The following ZNF292 variants were observed in gnomAD, a reference collection of about 807,000 sequenced individuals.
ZNF292 encodes the protein zinc finger protein 292, also known as 16 zinc-finger domain protein.
ZNF292 carries 26 observed loss-of-function variants against 217.9 expected under a neutral mutation model. That is an observed-to-expected ratio of 0.12 (90% CI 0.09 to 0.17). The LOEUF is 0.17. ZNF292 is among the 10% of genes least tolerant of loss of function. The pLI is 1.00. For synonymous variants in ZNF292, 1,257 were observed against 1,124.1 expected (o/e 1.12, Z -2.37); for missense variants, 2,904 against 3,175.2 (o/e 0.91, Z 2.05).
chr6:87,245,554 A>G lies in ZNF292; in HGVS notation c.930A>G (p.Ile310Met). 1.3e-6 allele frequency: 2 copies of G among 1,560,972 alleles called. No individual in the cohort carries two copies. Among genetic ancestry groups the G allele is most frequent in the Non-Finnish European group, 1.7e-6 (2 of 1,152,630 alleles). Residue 310 changes from isoleucine to methionine, a missense_variant, in exon 7 of 8, where the codon ATA becomes ATG. Ile to Met is a conservative substitution (Grantham distance 10). Around this residue, in one of 15 missense-constraint regions of ZNF292, gnomAD observed 313 missense variants for 451.0 expected, o/e 0.69. Transcript: ENST00000369577. ...SKLQQRVEPS[I>M]QVYLERCRQL... ...TACAACAAAGAGTAGAACCATCTAT[A>G]CAAGTGTACCTTGAGAGGTGTCGTC...
chr6:87,264,723 G>A lies in ZNF292; in HGVS notation c.*2922G>A, dbSNP rs532962313. ...AAGGTGAAGCTGAAGAAGCAGATGG[G>A]TGGTGGGATCAGGAGTGTTCTTGTA... On this transcript the variant is annotated 3_prime_UTR_variant, in exon 8 of 8. Coordinates refer to ENST00000369577, the MANE Select transcript of ZNF292 (RefSeq NM_015021.3). Among the ~76,000 whole-genome samples the A allele has an allele frequency of 1.3e-5, 2 of 152,186 alleles. No homozygotes were observed. The highest frequency in any genetic ancestry group is 1.5e-5 in the Non-Finnish European group (1 of 68,038).
At chr6:87,167,351 C>T (rs1358478268) in intron 1 of ZNF292, among the ~76,000 whole-genome samples, 1 of 152,128 alleles carries the variant, frequency 6.6e-6, no homozygotes, top group Non-Finnish European at 1.5e-5. Flanking sequence ...CTTGAATCTT[C>T]TGTTTTAGGC....
In ZNF292 at chr6:87,239,727, G is replaced by T. The variant is rs1334673401; in HGVS notation, c.742-3748G>T. Among the ~76,000 whole-genome samples the T allele has an allele frequency of 2.1e-5, 3 of 143,050 alleles. 1 individual carries two copies. Among genetic ancestry groups the T allele is most frequent in the Non-Finnish European group, 3.0e-5 (2 of 66,022 alleles). The allele number at this position is 143,050 out of a possible 152,430, so 93.8% of individuals were successfully genotyped here. On this transcript the variant is annotated intron_variant, in intron 5 of 7. Transcript: ENST00000369577. ...ACCTCCCAGACGGGGTCGCGGCTGG[G>T]CAGAGGCGCTCCTCACATCCCAGAT... is the stretch of plus-strand genomic sequence containing the variant.
intron 1 of ZNF292, among the ~76,000 whole-genome samples, chr6:87,193,661 A>G (rs1350218256): frequency 6.6e-6 from 1 of 152,216 alleles, no homozygotes; most frequent in Non-Finnish European, 1.5e-5. Context: ...ATTCCCACAC[A>G]AGCACGCCCT....
chr6:87,258,480 C>A lies in ZNF292; in HGVS notation c.4851C>A (p.Ser1617=). The A allele has an allele frequency of 6.2e-7, 1 of 1,613,616 alleles. No homozygotes were observed. Among genetic ancestry groups the A allele is most frequent in the East Asian group, 2.2e-5 (1 of 44,868 alleles). ...SVISGPQNTR[S]SHLNKKGNSA... ...TAAGTGGTCCTCAGAACACAAGATCCAGTCATTTAAATAAAAAGGGAAACA... is the reference window on the plus strand; with the variant it reads ...TAAGTGGTCCTCAGAACACAAGATCAAGTCATTTAAATAAAAAGGGAAACA... Residue 1617 remains serine, a synonymous_variant, in exon 8 of 8, where the codon TCC becomes TCA. Transcript: ENST00000369577.
chr6:87,256,517 G>C lies in ZNF292; in HGVS notation c.2888G>C (p.Gly963Ala). 18 of 1,612,850 alleles carry C rather than the reference G, an allele frequency of 1.1e-5. No homozygotes were observed. The highest frequency in any genetic ancestry group is 1.4e-5 in the Non-Finnish European group (17 of 1,179,836). Reference sequence around the variant, plus strand: ...GAAAACTCAACTGTGGAAGGCAGTGGTGAAGCACTGGTCACAGACTTACAT... The same window carrying C: ...GAAAACTCAACTGTGGAAGGCAGTGCTGAAGCACTGGTCACAGACTTACAT... ...KQENSTVEGS[G>A]EALVTDLHTP... Residue 963 changes from glycine to alanine, a missense_variant, in exon 8 of 8, where the codon GGT becomes GCT. Coordinates refer to ENST00000369577, the MANE Select transcript of ZNF292 (RefSeq NM_015021.3).
At position 87,176,668 on chromosome 6, in the gene ZNF292, A is replaced by G. The variant is rs1030157636; in HGVS notation, c.168+20909A>G. On this transcript the variant is annotated intron_variant, in intron 1 of 7. Transcript: ENST00000369577. ...TAGCAACACTCAAGCATTTTTCCCA[A>G]CTCATCATTATGTCTGAGGCAGGAC... Among the ~76,000 whole-genome samples, 8 of 152,006 alleles carry G rather than the reference A, an allele frequency of 5.3e-5. No individual in the cohort carries two copies. The East Asian group carries it at 1.6e-3, about 29-fold the overall frequency.
At chr6:87,168,245 C>A (rs542891680) in intron 1 of ZNF292, among the ~76,000 whole-genome samples, 1 of 152,234 alleles carries the variant, frequency 6.6e-6, no homozygotes, top group Non-Finnish European at 1.5e-5. Flanking sequence ...CCTTGTAGGA[C>A]CTCATCATTA....
chr6:87,160,082 A>G (rs1197157960), intron 1 of ZNF292, among the ~76,000 whole-genome samples: 1 of 152,208 alleles, frequency 6.6e-6, no homozygotes, highest in Non-Finnish European at 1.5e-5. Context: ...CATCTACTGT[A>G]TACAGGCTAG....
chr6:87,237,727 CATA>C (rs1209796735), intron 5 of ZNF292, among the ~76,000 whole-genome samples: 27 of 152,206 alleles, frequency 1.8e-4, no homozygotes, highest in African/African-American at 6.5e-4. Context: ...CTTTATTCAG[CATA>C]ATGTGTCTTT....
At chr6:87,250,970 C>G (rs73485831) in intron 7 of ZNF292, among the ~76,000 whole-genome samples, 12,182 of 152,118 alleles carry the variant, frequency 0.08, 806 homozygotes, top group African/African-American at 0.18. Context: ...AGTGCAGTGC[C>G]TGGTATAAAG....
chr6:87,245,057 A>C (rs1040347251), intron 6 of ZNF292, among the ~76,000 whole-genome samples: 1 of 152,150 alleles, frequency 6.6e-6, no homozygotes, highest in Non-Finnish European at 1.5e-5. Flanking sequence ...CCTGGCCAAC[A>C]TGGTGAAACC....
intron 5 of ZNF292, among the ~76,000 whole-genome samples, chr6:87,238,150 G>GA (rs1773991284): frequency 6.6e-6 from 1 of 152,060 alleles, no homozygotes; most frequent in South Asian, 2.1e-4. Context: ...GCATGTATAT[G>GA]AAAAAATACA....
intron 4 of ZNF292, among the ~76,000 whole-genome samples, chr6:87,230,568 C>T (rs1193197634): frequency 6.6e-6 from 1 of 151,932 alleles, no homozygotes; most frequent in African/African-American, 2.4e-5. Flanking sequence ...CCCATCTCTA[C>T]TAAAAGTACA....
chr6:87,229,616 C>T (rs1258155907), intron 4 of ZNF292, among the ~76,000 whole-genome samples: 3 of 151,756 alleles, frequency 2.0e-5, no homozygotes, highest in East Asian at 1.9e-4. Context: ...AGTAGAGACA[C>T]GGTTTCTCCA....
chr6:87,247,170 T>TCAAAAAAAAAAAAAAAAAAAAAAAAAAA (rs1562173027), intron 7 of ZNF292, among the ~76,000 whole-genome samples: 1 of 137,566 alleles, frequency 7.3e-6, no homozygotes, highest in Non-Finnish European at 1.5e-5. Flanking sequence ...AGACTTGGTC[T>TCAAAAAAAAAAAAAAAAAAAAAAAAAAA]TAAAAAAAAA....
chr6:87,167,091 G>A (rs1338173665), intron 1 of ZNF292, among the ~76,000 whole-genome samples: 1 of 152,058 alleles, frequency 6.6e-6, no homozygotes, highest in Non-Finnish European at 1.5e-5. Flanking sequence ...AGTAGTGTTG[G>A]AAAACTATTT....
chr6:87,209,982 C>T (rs377505428), intron 1 of ZNF292, among the ~76,000 whole-genome samples: 1 of 152,194 alleles, frequency 6.6e-6, no homozygotes, highest in Admixed American at 6.5e-5. Flanking sequence ...CAACACTCCA[C>T]TAGTCTTATC....
intron 4 of ZNF292, among the ~76,000 whole-genome samples, chr6:87,224,135 C>T (rs9362411): frequency 0.54 from 81,918 of 151,908 alleles, 22,542 homozygotes; most frequent in African/African-American, 0.63. Flanking sequence ...ACTTTATTAA[C>T]TACAGTACAG....
Sources: allele counts gnomAD v4.1 joint callset (sites outside exome capture counted in the v4.1 genomes callset), GRCh38; gene constraint gnomAD v4.1.1; regional missense constraint gnomAD v4.1.1; transcripts MANE v1.5; gene names NCBI Gene and HGNC (gene_info 2026-07-23, HGNC 2026-07-21).